The following AKR1B10 variants were observed in gnomAD, a reference collection of about 807,000 sequenced individuals.
AKR1B10 encodes aldo-keto reductase family 1 member B10, also known as ARP.
A neutral mutation model predicts 38.9 loss-of-function variants in AKR1B10; 39 were observed. The ratio of observed to expected loss-of-function variants is 1.00; its 90% CI spans 0.78 to 1.31. The LOEUF is 1.31. Ranked by LOEUF, AKR1B10 falls within the 50% of genes most tolerant of loss-of-function variation. The probability of loss-of-function intolerance (pLI) is 0.00; values close to 1 mark genes in which losing one functional copy is unlikely to be tolerated. For synonymous variants in AKR1B10, 148 were observed against 141.2 expected, an observed-to-expected ratio of 1.05 and a Z score of -0.34; for missense variants, 361 against 382.6, an observed-to-expected ratio of 0.94 and a Z score of 0.47.
rs1180259161 is a variant in AKR1B10 at position 134,541,113 on chromosome 7, T to C, written c.*24T>C. 5 of 1,518,500 alleles carry C rather than the reference T, an allele frequency of 3.3e-6. No homozygotes were observed. Among genetic ancestry groups the C allele is most frequent in the Admixed American group, 3.4e-5 (2 of 58,978 alleles). The allele number at this position is 1,518,500 out of a possible 1,614,324, so 94.1% of individuals were successfully genotyped here. ...GAGGTTGAATCTCCTGGTGAGATTA[T>C]ACAGGAGATTCTCTTTCTTCGCTGA... On this transcript the variant is annotated 3_prime_UTR_variant, in exon 10 of 10. Coordinates refer to ENST00000359579, the MANE Select transcript of AKR1B10 (RefSeq NM_020299.5).
intron 1 of AKR1B10, 35 bp from the exon 2 acceptor site, chr7:134,530,608 A>T (rs145181374): frequency 2.0e-5 from 32 of 1,611,554 alleles, no homozygotes; most frequent in Non-Finnish European, 2.5e-5. Flanking sequence ...CTTAAAAAAA[A>T]CACATATGTG....
At chr7:134,528,366 C>A (rs531291077) in intron 1 of AKR1B10, among the ~76,000 whole-genome samples, 2 of 152,184 alleles carry the variant, frequency 1.3e-5, no homozygotes, top group East Asian at 3.9e-4. Context: ...GTCCTTGGCA[C>A]CCCTTTGCAG....
intron 6 of AKR1B10, 151 bp from the exon 7 acceptor site, chr7:134,537,429 C>T: frequency 1.5e-6 from 2 of 1,303,262 alleles, no homozygotes; most frequent in Non-Finnish European, 1.1e-6. Context: ...GGCTTCAGAG[C>T]CCGGGGAAAG....
intron 9 of AKR1B10, 93 bp from the exon 10 acceptor site, chr7:134,540,954 T>C: frequency 2.2e-6 from 2 of 914,966 alleles, no homozygotes. Flanking sequence ...ACAAATATGA[T>C]AGAGTCCACC....
intron 1 of AKR1B10, among the ~76,000 whole-genome samples, chr7:134,528,784 G>A (rs970876947): frequency 2.6e-5 from 4 of 152,084 alleles, no homozygotes; most frequent in Non-Finnish European, 5.9e-5. Flanking sequence ...ACAAAATGCA[G>A]AGTCTCAGGC....
chr7:134,527,956 T>C lies in AKR1B10; in HGVS notation c.45T>C (p.Ile15=), dbSNP rs1807731995. 1 of 1,613,908 alleles carries C rather than the reference T, an allele frequency of 6.2e-7. No individual in the cohort carries two copies. The highest frequency in any genetic ancestry group is 1.7e-5 in the Admixed American group (1 of 60,006). The change falls in exon 1 of 10, where the codon ATT becomes ATC. Residue 15 remains isoleucine, a synonymous_variant. Coordinates refer to ENST00000359579, the MANE Select transcript of AKR1B10 (RefSeq NM_020299.5). ...VELSTKAKMP[I]VGLGTWKSPL... Reference sequence around the variant, plus strand: ...TCAGTACCAAAGCCAAGATGCCCATTGTGGGCCTGGGCACTTGGAAGGTAA... The same window carrying C: ...TCAGTACCAAAGCCAAGATGCCCATCGTGGGCCTGGGCACTTGGAAGGTAA...
intron 7 of AKR1B10, 87 bp downstream of exon 7, chr7:134,537,748 T>C: frequency 6.6e-7 from 1 of 1,506,802 alleles, no homozygotes; most frequent in African/African-American, 1.4e-5. Flanking sequence ...AACAAACTCC[T>C]TAAAGGGGAA....
Position 134,541,149 on chromosome 7 carries a change from C to A in AKR1B10, c.*60C>A. 1 of 1,281,342 alleles carries A rather than the reference C, an allele frequency of 7.8e-7. No individual in the cohort carries two copies. Among genetic ancestry groups the A allele is most frequent in the Non-Finnish European group, 1.1e-6 (1 of 895,340 alleles). The allele number at this position is 1,281,342 out of a possible 1,614,324, so 79.4% of individuals were successfully genotyped here. ...CTCTTTCTTCGCTGAAGTGTGACTA[C>A]CTCCACTCATGTCCCATTTTAGCCA... is the stretch of plus-strand genomic sequence containing the variant. On this transcript the variant is annotated 3_prime_UTR_variant, in exon 10 of 10. Transcript: ENST00000359579.
Position 134,530,692 on chromosome 7 carries a change from G to A in AKR1B10, c.116G>A (p.Gly39Glu). 6.2e-7 allele frequency: 1 copy of A among 1,614,086 alleles called. No homozygotes were observed. Among genetic ancestry groups the A allele is most frequent in the Non-Finnish European group, 8.5e-7 (1 of 1,179,970 alleles). ...GCAGTGAAGGTGGCCATTGATGCAG[G>A]ATATCGGCACATTGACTGTGCCTAT... ...KEAVKVAIDA[G>E]YRHIDCAYVY... Residue 39 changes from glycine to glutamate, a missense_variant, in exon 2 of 10, where the codon GGA (glycine) becomes GAA (glutamate). Gly to Glu is a moderately conservative substitution (Grantham distance 98). Transcript: ENST00000359579.
At chr7:134,539,091 T>C in intron 9 of AKR1B10, 74 bp downstream of exon 9, 5 of 1,576,000 alleles carry the variant, frequency 3.2e-6, no homozygotes, top group Non-Finnish European at 4.4e-6. Context: ...TTGGAAGGAT[T>C]GGAAGGCTGC....
Position 134,537,601 on chromosome 7 carries a change from C to A in AKR1B10, c.681C>A (p.Ser227=), listed in dbSNP as rs756734928. 37 of 1,613,890 alleles carry A rather than the reference C, an allele frequency of 2.3e-5. No individual in the cohort carries two copies. The South Asian group carries it at 4.1e-4, about 18-fold the overall frequency. ...DRPWAKPEDP[S]LLEDPKIKEI... Reference sequence around the variant, plus strand: ...CTAGGGCCAAGCCAGAAGACCCTTCCCTGCTGGAGGATCCCAAGATTAAGG... The same window carrying A: ...CTAGGGCCAAGCCAGAAGACCCTTCACTGCTGGAGGATCCCAAGATTAAGG... Residue 227 remains serine (S), a synonymous_variant, in exon 7 of 10, where the codon TCC becomes TCA. Coordinates refer to ENST00000359579, the MANE Select transcript of AKR1B10 (RefSeq NM_020299.5).
intron 3 of AKR1B10, 85 bp downstream of exon 3, chr7:134,532,109 G>T: frequency 6.6e-7 from 1 of 1,526,030 alleles, no homozygotes; most frequent in South Asian, 1.1e-5. Context: ...GGGTGGTGTG[G>T]ACTGGGGCAG....
intron 1 of AKR1B10, 111 bp from the exon 2 acceptor site, chr7:134,530,532 A>G: frequency 8.8e-7 from 1 of 1,134,730 alleles, no homozygotes; most frequent in Non-Finnish European, 1.3e-6. Flanking sequence ...GCTACTCGGG[A>G]GGTGGGAGGG....
chr7:134,538,493 A>T (rs1241099516), intron 8 of AKR1B10, among the ~76,000 whole-genome samples: 2 of 152,148 alleles, frequency 1.3e-5, no homozygotes, highest in Admixed American at 1.3e-4. Flanking sequence ...GTAAAGCCCT[A>T]TCAGGTCTGA....
At chr7:134,540,880 T>C (rs1409652170) in intron 9 of AKR1B10, among the ~76,000 whole-genome samples, 167 bp from the exon 10 acceptor site, 1 of 152,140 alleles carries the variant, frequency 6.6e-6, no homozygotes, top group Non-Finnish European at 1.5e-5. Context: ...CTCATATCGA[T>C]TTGAGGGAAG....
chr7:134,538,066 A>C, intron 7 of AKR1B10, 128 bp from the exon 8 acceptor site: 1 of 889,610 alleles, frequency 1.1e-6, no homozygotes, highest in East Asian at 2.4e-5. Context: ...ATAGCTGTGA[A>C]GGGCTCAGTA....
At chr7:134,533,198 T>C (rs1807910881) in intron 4 of AKR1B10, 117 bp downstream of exon 4, 2 of 828,128 alleles carry the variant, frequency 2.4e-6, no homozygotes, top group Non-Finnish European at 3.7e-6. Flanking sequence ...TCATTGTGAT[T>C]TTCTAGCTCT....
chr7:134,540,145 G>C (rs1409652187), intron 9 of AKR1B10, among the ~76,000 whole-genome samples: 1 of 152,070 alleles, frequency 6.6e-6, no homozygotes, highest in African/African-American at 2.4e-5. Context: ...GTGAACCCGG[G>C]AGGTAGAGCT....
At position 134,541,187 on chromosome 7, in the gene AKR1B10, A is replaced by T; in HGVS notation, c.*98A>T. ...CCCATTTTAGCCAAGCTTATTTAAG[A>T]TCACAGTGAACTTAGTCCTGTTATA... is the stretch of plus-strand genomic sequence containing the variant. On this transcript the variant is annotated 3_prime_UTR_variant, in exon 10 of 10. Transcript: ENST00000359579. The T allele has an allele frequency of 1.1e-6, 1 of 928,986 alleles. No homozygotes were observed. Among genetic ancestry groups the T allele is most frequent in the Non-Finnish European group, 1.7e-6 (1 of 598,768 alleles). The allele number at this position is 928,986 out of a possible 1,614,324, so 57.5% of individuals were successfully genotyped here. A position where few individuals can be genotyped will look rare whatever the true frequency, so the allele number is the denominator to read the frequency against.
Sources: allele counts gnomAD v4.1 joint callset (sites outside exome capture counted in the v4.1 genomes callset), GRCh38; gene constraint gnomAD v4.1.1; transcripts MANE v1.5; gene names NCBI Gene and HGNC (gene_info 2026-07-23, HGNC 2026-07-21).